MBNL2: variants seen among roughly 807,000 people sequenced by gnomAD.
MBNL2 encodes the protein muscleblind-like protein 2.
Under a neutral mutation model 41.9 loss-of-function variants are expected in MBNL2, and 17 were observed. That is an observed-to-expected ratio of 0.41 (90% CI 0.28 to 0.61). The LOEUF (loss-of-function observed/expected upper bound fraction) is 0.61. Ranked by LOEUF, MBNL2 falls within the 20% of genes least tolerant of loss-of-function variation. MBNL2 has a pLI of 0.35. For synonymous variants in MBNL2, 195 were observed against 182.9 expected, an observed-to-expected ratio of 1.07 and a Z score of -0.53; for missense variants, 336 against 505.6, an observed-to-expected ratio of 0.66 and a Z score of 3.22.
intron 8 of MBNL2, among the ~76,000 whole-genome samples, chr13:97,386,155 C>A (rs1427740970): frequency 1.3e-5 from 2 of 152,236 alleles, no homozygotes; most frequent in African/African-American, 4.8e-5. Flanking sequence ...AGGACTAACT[C>A]TCCTGTAAAC....
At chr13:97,337,531 A>C (rs773844497) in intron 3 of MBNL2, among the ~76,000 whole-genome samples, 18 of 152,050 alleles carry the variant, frequency 1.2e-4, no homozygotes, top group Non-Finnish European at 2.5e-4. Flanking sequence ...GGTCTCATCC[A>C]TTCCTGTGTC....
the MBNL2 span, among the ~76,000 whole-genome samples, chr13:97,184,738 C>A: frequency 6.6e-6 from 1 of 152,124 alleles, no homozygotes; most frequent in Non-Finnish European, 1.5e-5. Context: ...AGAATCCGAG[C>A]ACTTTGGGAG....
chr13:97,303,349 C>A (rs190214956), intron 2 of MBNL2, among the ~76,000 whole-genome samples: 1 of 152,272 alleles, frequency 6.6e-6, no homozygotes. Context: ...CAGGGCTGGG[C>A]AATGGGTGGG....
chr13:97,188,429 C>A, the MBNL2 span, among the ~76,000 whole-genome samples: 1 of 152,112 alleles, frequency 6.6e-6, no homozygotes, highest in African/African-American at 2.4e-5. Context: ...GGAGATACAC[C>A]GGCTCTCCTT....
intron 2 of MBNL2, among the ~76,000 whole-genome samples, chr13:97,332,133 C>T (rs2060486432): frequency 6.6e-6 from 1 of 152,276 alleles, no homozygotes; most frequent in Non-Finnish European, 1.5e-5. Flanking sequence ...TCCATTAGAC[C>T]CATCTGTGCA....
At chr13:97,321,036 C>T (rs955793946) in intron 2 of MBNL2, among the ~76,000 whole-genome samples, 4 of 152,116 alleles carry the variant, frequency 2.6e-5, no homozygotes, top group African/African-American at 9.7e-5. Context: ...GGATTAGAGT[C>T]CACCCTAATG....
intron 4 of MBNL2, among the ~76,000 whole-genome samples, chr13:97,345,314 T>A (rs1261611297): frequency 6.6e-6 from 1 of 152,238 alleles, no homozygotes; most frequent in Non-Finnish European, 1.5e-5. Flanking sequence ...CTCATAATTA[T>A]TTCCTGCTAA....
chr13:97,259,622 A>T (rs2048230931), intron 1 of MBNL2, among the ~76,000 whole-genome samples: 1 of 152,218 alleles, frequency 6.6e-6, no homozygotes, highest in Non-Finnish European at 1.5e-5. Context: ...CCGAGCTGGT[A>T]AGATTTCCAG....
chr13:97,362,191 C>T (rs971885601), intron 7 of MBNL2, among the ~76,000 whole-genome samples: 1 of 152,008 alleles, frequency 6.6e-6, no homozygotes, highest in Non-Finnish European at 1.5e-5. Context: ...AACAGTTGAG[C>T]ATCCCATATT....
intron 1 of MBNL2, among the ~76,000 whole-genome samples, chr13:97,251,432 G>C (rs1225309956): frequency 6.6e-6 from 1 of 152,006 alleles, no homozygotes; most frequent in African/African-American, 2.4e-5. Context: ...AGACATAGCT[G>C]ATACACTTTC....
intron 2 of MBNL2, among the ~76,000 whole-genome samples, chr13:97,312,974 G>A (rs2058736227): frequency 6.6e-6 from 1 of 152,208 alleles, no homozygotes; most frequent in Admixed American, 6.5e-5. Context: ...AGTATTTGGT[G>A]CTACATGCAA....
At chr13:97,219,429 A>G (rs1287683278), upstream of MBNL2, among the ~76,000 whole-genome samples, 2 of 152,198 alleles carry the variant, frequency 1.3e-5, no homozygotes, top group Admixed American at 6.5e-5. Flanking sequence ...AGGCTGCCAT[A>G]GACTGGGTGG....
intron 2 of MBNL2, among the ~76,000 whole-genome samples, chr13:97,301,135 A>G (rs2057576657): frequency 6.6e-6 from 1 of 152,188 alleles, no homozygotes; most frequent in South Asian, 2.1e-4. Context: ...CTGGAATTGT[A>G]CCTCCAGGCA....
chr13:97,387,740 G>A (rs1402802851), intron 8 of MBNL2, among the ~76,000 whole-genome samples: 1 of 152,176 alleles, frequency 6.6e-6, no homozygotes, highest in Non-Finnish European at 1.5e-5. Flanking sequence ...TTAAAATTAT[G>A]CACGTCATCT....
At chr13:97,310,853 C>T (rs1352518101) in intron 2 of MBNL2, among the ~76,000 whole-genome samples, 4 of 149,966 alleles carry the variant, frequency 2.7e-5, no homozygotes, top group African/African-American at 9.9e-5. Context: ...AAACATATTA[C>T]CGGTCACCTG....
intron 2 of MBNL2, among the ~76,000 whole-genome samples, chr13:97,328,497 C>T (rs2060102700): frequency 6.6e-6 from 1 of 152,214 alleles, no homozygotes; most frequent in Admixed American, 6.5e-5. Context: ...CATCATGCAC[C>T]TACAGCAGCA....
At position 97,346,739 on chromosome 13, in the gene MBNL2, C is replaced by A. The variant is rs918195200; in HGVS notation, c.541-65C>A. ...CAGCCTCCGCTCCTCCCGCGGTGGC[C>A]GGGGCCGCAGGGGCGCCTGGGCTCA... On this transcript the variant is annotated intron_variant, in intron 4 of 8. Coordinates refer to ENST00000679496, the MANE Select transcript of MBNL2 (RefSeq NM_001382683.1). This position sits in a 1 kb window ranked among gnomAD's most constrained non-coding sequence, Gnocchi z 4.2. 24 of 1,457,774 alleles carry A rather than the reference C, an allele frequency of 1.6e-5. No homozygotes were observed. In the Admixed American group the frequency reaches 2.5e-4, roughly 15 times the overall value. 90.3% of individuals were successfully genotyped at this position (1,457,774 alleles called of 1,614,324 possible). A position where few individuals can be genotyped will look rare whatever the true frequency, so the allele number is the denominator to read the frequency against.
chr13:97,376,192 A>C (rs1256646127), intron 8 of MBNL2, among the ~76,000 whole-genome samples: 2 of 152,174 alleles, frequency 1.3e-5, no homozygotes, highest in Admixed American at 1.3e-4. Context: ...AGGGTGAATC[A>C]TTCTGAAGCA....
intron 2 of MBNL2, among the ~76,000 whole-genome samples, chr13:97,290,026 A>G (rs1470387957): frequency 6.6e-6 from 1 of 152,200 alleles, no homozygotes; most frequent in Non-Finnish European, 1.5e-5. Context: ...GCAATCAGTC[A>G]AATATTTTCT....
Sources: gnomAD v4.1 joint callset for allele counts (sites outside exome capture counted in the v4.1 genomes callset) on GRCh38, gnomAD v4.1.1 for gene constraint, Gnocchi (gnomAD v3.1) non-coding constraint, MANE v1.5 for transcripts, NCBI Gene and HGNC (gene_info 2026-07-23, HGNC 2026-07-21) for gene names.